The following PUDP variants were observed in gnomAD, a reference collection of about 807,000 sequenced individuals.
The protein encoded by PUDP is pseudouridine-5'-phosphatase.
A neutral mutation model predicts 9.4 loss-of-function variants in PUDP; 8 were observed. That is an observed-to-expected ratio of 0.85 (90% CI 0.50 to 1.53). PUDP has a LOEUF of 1.53. Ranked by LOEUF, PUDP falls within the 40% of genes most tolerant of loss-of-function variation. The pLI is 0.00. For missense variants in PUDP, 188 were observed against 189.7 expected, an observed-to-expected ratio of 0.99 and a Z score of 0.05; for synonymous variants, 99 against 80.7, an observed-to-expected ratio of 1.23 and a Z score of -1.22.
At chrX:6,966,640 T>C (rs1200617518) in intron 3 of PUDP, among the ~76,000 whole-genome samples, 1 of 108,780 alleles carries the variant, frequency 9.2e-6, no homozygotes, top group Admixed American at 1.0e-4. Flanking sequence ...CTTGAACTCC[T>C]GGGCTCAAGA....
chrX:6,860,893 T>A (rs1926992269), intron 3 of PUDP, among the ~76,000 whole-genome samples: 1 of 112,493 alleles, frequency 8.9e-6, no homozygotes, highest in African/African-American at 3.2e-5. Flanking sequence ...GGGTTAAAAA[T>A]GTTCAACCCT....
intron 1 of PUDP, among the ~76,000 whole-genome samples, chrX:6,990,358 A>G (rs1196819079): frequency 1.8e-5 from 2 of 111,178 alleles, no homozygotes; most frequent in Non-Finnish European, 3.8e-5. Context: ...TTGCCCATCT[A>G]TCCCAAAGGT....
At chrX:6,868,831 C>T (rs919810928) in intron 3 of PUDP, among the ~76,000 whole-genome samples, 2 of 111,777 alleles carry the variant, frequency 1.8e-5, no homozygotes, top group Admixed American at 9.5e-5. Flanking sequence ...GGTGTTAGGC[C>T]GTGAAATGGA....
Position 6,754,230 on chromosome X carries a change from G to A in PUDP, c.*248-47764C>T, listed in dbSNP as rs1925142977. 2.7e-5 allele frequency among the ~76,000 whole-genome samples: 3 copies of A among 111,264 alleles called. No homozygotes were observed. In the Admixed American group the frequency reaches 2.9e-4, roughly 11 times the overall value. On this transcript the variant is annotated intron_variant and NMD_transcript_variant, in intron 3 of 3. Transcript: ENST00000655425. ...ATGCTATTCTTATGATAGTGAGTGA[G>A]TTCTCATGAGAGCTGATGGTTTTAT...
intron 3 of PUDP, among the ~76,000 whole-genome samples, chrX:6,743,171 C>G (rs1430373916): frequency 8.9e-6 from 1 of 112,072 alleles, no homozygotes; most frequent in African/African-American, 3.3e-5. Flanking sequence ...TAAATAAGCT[C>G]AAGCCTGCTT....
intron 1 of PUDP, among the ~76,000 whole-genome samples, chrX:7,131,521 C>A (rs954636510): frequency 1.8e-5 from 2 of 109,569 alleles, no homozygotes; most frequent in African/African-American, 6.7e-5. Context: ...GAGACCGGAG[C>A]GATGCAGCTA....
chrX:6,916,666 G>A (rs193161203), intron 3 of PUDP, among the ~76,000 whole-genome samples: 49 of 111,789 alleles, frequency 4.4e-4, no homozygotes, highest in Non-Finnish European at 8.5e-4. Flanking sequence ...AGGTGGCAGA[G>A]CAGGAAGATA....
intron 3 of PUDP, among the ~76,000 whole-genome samples, chrX:6,956,316 G>A (rs753467035): frequency 6.3e-5 from 7 of 110,995 alleles, no homozygotes; most frequent in Admixed American, 2.9e-4. Flanking sequence ...GAGCCACCAC[G>A]CCCGGCCACT....
intron 3 of PUDP, among the ~76,000 whole-genome samples, chrX:6,907,510 T>A (rs1927786712): frequency 8.9e-6 from 1 of 111,775 alleles, no homozygotes; most frequent in South Asian, 3.8e-4. Flanking sequence ...GCACTTAGTA[T>A]GTCCAGGCAT....
intron 1 of PUDP, among the ~76,000 whole-genome samples, chrX:7,146,519 T>G (rs1461588593): frequency 9.0e-6 from 1 of 111,652 alleles, no homozygotes; most frequent in East Asian, 2.8e-4. Flanking sequence ...TTGAGTCATT[T>G]CAAATTTAGT....
At chrX:7,094,517 C>T (rs1236367659) in intron 2 of PUDP, among the ~76,000 whole-genome samples, 4 of 110,291 alleles carry the variant, frequency 3.6e-5, no homozygotes, top group African/African-American at 1.3e-4. Flanking sequence ...CCACCACACC[C>T]GGCTAATTTT....
chrX:6,900,316 T>G, intron 3 of PUDP, among the ~76,000 whole-genome samples: 1 of 66,378 alleles, frequency 1.5e-5, no homozygotes, highest in Non-Finnish European at 3.0e-5. Context: ...CATTTTTGGT[T>G]GTCACCACTT....
intron 1 of PUDP, among the ~76,000 whole-genome samples, chrX:7,034,521 T>C (rs770742690): frequency 8.9e-6 from 1 of 112,259 alleles, no homozygotes; most frequent in Non-Finnish European, 1.9e-5. Context: ...AGAGATTTAG[T>C]TCTAATTATT....
At chrX:6,810,326 A>G (rs1041091803) in intron 3 of PUDP, among the ~76,000 whole-genome samples, 2 of 111,635 alleles carry the variant, frequency 1.8e-5, no homozygotes, top group East Asian at 5.7e-4. Context: ...ATCTCCGCAC[A>G]TGAGCTTGGG....
At chrX:6,856,791 T>G (rs1399567194) in intron 3 of PUDP, among the ~76,000 whole-genome samples, 1 of 111,595 alleles carries the variant, frequency 9.0e-6, no homozygotes, top group Non-Finnish European at 1.9e-5. Context: ...ACATTTGAAT[T>G]GGGAGGCTGA....
At chrX:6,853,250 G>A (rs1483158444) in intron 3 of PUDP, among the ~76,000 whole-genome samples, 1 of 110,990 alleles carries the variant, frequency 9.0e-6, no homozygotes, top group Non-Finnish European at 1.9e-5. Flanking sequence ...CTCAACAGAA[G>A]ACCCACCTTA....
chrX:7,137,615 T>G (rs1283114091), intron 1 of PUDP, among the ~76,000 whole-genome samples: 1 of 111,934 alleles, frequency 8.9e-6, no homozygotes, highest in African/African-American at 3.3e-5. Flanking sequence ...AAGCCATGAG[T>G]GTCCTTCAAT....
chrX:7,124,481 G>A (rs1003983031), intron 1 of PUDP, among the ~76,000 whole-genome samples: 16 of 111,341 alleles, frequency 1.4e-4, no homozygotes, highest in African/African-American at 4.6e-4. Flanking sequence ...GTCAAGACGT[G>A]TGGGTGGCCT....
chrX:6,738,667 G>A (rs1313669319), intron 3 of PUDP, among the ~76,000 whole-genome samples: 1 of 111,190 alleles, frequency 9.0e-6, no homozygotes, highest in Admixed American at 9.6e-5. Flanking sequence ...AACCCAGTTA[G>A]CATCTGTTGG....
Sources: gnomAD v4.1 joint callset for allele counts (sites outside exome capture counted in the v4.1 genomes callset) on GRCh38, gnomAD v4.1.1 for gene constraint, MANE v1.5 for transcripts, NCBI Gene and HGNC (gene_info 2026-07-23, HGNC 2026-07-21) for gene names.